HOOK3: variants seen among roughly 807,000 people sequenced by gnomAD.
The protein encoded by HOOK3 is protein Hook homolog 3.
In HOOK3, 24 loss-of-function variants were observed where a neutral mutation model predicts 116.3. The observed-to-expected ratio is 0.21, with a 90% confidence interval of 0.15 to 0.29. The LOEUF (loss-of-function observed/expected upper bound fraction) is 0.29. Ranked by LOEUF, HOOK3 falls within the 10% of genes least tolerant of loss-of-function variation. HOOK3 has a pLI of 1.00. For missense variants in HOOK3, 632 were observed against 830.2 expected, an observed-to-expected ratio of 0.76 and a Z score of 2.93; for synonymous variants, 275 against 283.0, an observed-to-expected ratio of 0.97 and a Z score of 0.28.
At chr8:42,922,786 G>A (rs528593918) in intron 2 of HOOK3, among the ~76,000 whole-genome samples, 1 of 151,326 alleles carries the variant, frequency 6.6e-6, no homozygotes, top group South Asian at 2.1e-4. Context: ...TGTAAGCCCA[G>A]CTACTTGGGA....
chr8:42,906,147 C>A, intron 1 of HOOK3, 26 bp from the exon 2 acceptor site: 2 of 901,950 alleles, frequency 2.2e-6, no homozygotes, highest in South Asian at 1.3e-5. Context: ...AGAATCTCTC[C>A]CCCCCCCCTC....
At chr8:42,989,661 A>G (rs1586624125) in intron 15 of HOOK3, among the ~76,000 whole-genome samples, 2 of 152,148 alleles carry the variant, frequency 1.3e-5, no homozygotes, top group South Asian at 2.1e-4. Context: ...ATTTTTTACT[A>G]TAGTCACTTT....
chr8:42,926,849 A>C (rs1215662853), intron 3 of HOOK3, among the ~76,000 whole-genome samples: 2 of 152,236 alleles, frequency 1.3e-5, no homozygotes, highest in Admixed American at 1.3e-4. Flanking sequence ...TGAAAGACCC[A>C]GAACTATTCC....
At chr8:42,950,936 T>C (rs111761182) in intron 6 of HOOK3, among the ~76,000 whole-genome samples, 2 of 152,188 alleles carry the variant, frequency 1.3e-5, no homozygotes, top group Admixed American at 6.5e-5. Context: ...CTGCCCGCCT[T>C]GGCCTCCCAA....
intron 2 of HOOK3, among the ~76,000 whole-genome samples, chr8:42,915,427 GTTA>G (rs535927325): frequency 6.6e-5 from 10 of 151,908 alleles, no homozygotes; most frequent in South Asian, 2.1e-4. Flanking sequence ...GATATTGCCT[GTTA>G]TTATTATTAT....
intron 18 of HOOK3, among the ~76,000 whole-genome samples, chr8:43,009,695 G>T (rs969687151): frequency 6.6e-6 from 1 of 152,128 alleles, no homozygotes; most frequent in Non-Finnish European, 1.5e-5. Context: ...CCCATTTTAA[G>T]CCATTTTTAG....
chr8:42,916,349 C>T (rs566652044), intron 2 of HOOK3, among the ~76,000 whole-genome samples: 4 of 152,222 alleles, frequency 2.6e-5, no homozygotes, highest in South Asian at 4.1e-4. Context: ...TGTTGTTTTC[C>T]GTCAACATTT....
chr8:42,944,877 G>A (rs1371752815), intron 5 of HOOK3, among the ~76,000 whole-genome samples: 4 of 151,968 alleles, frequency 2.6e-5, no homozygotes, highest in South Asian at 4.2e-4. Context: ...AAAATTTCTC[G>A]CTAAGCATGT....
chr8:42,939,626 C>A (rs1264189692), intron 4 of HOOK3, among the ~76,000 whole-genome samples: 1 of 150,476 alleles, frequency 6.6e-6, no homozygotes, highest in Non-Finnish European at 1.5e-5. Flanking sequence ...GGGGGCTGAC[C>A]CCCCCACCTC....
At chr8:42,954,296 T>C (rs957819992) in intron 6 of HOOK3, among the ~76,000 whole-genome samples, 2 of 152,216 alleles carry the variant, frequency 1.3e-5, no homozygotes, top group African/African-American at 4.8e-5. Flanking sequence ...ACAGGTGGTA[T>C]ATCTATAACC....
intron 9 of HOOK3, among the ~76,000 whole-genome samples, chr8:42,965,118 G>A (rs548389073): frequency 6.6e-6 from 1 of 152,346 alleles, no homozygotes; most frequent in South Asian, 2.1e-4. Flanking sequence ...GGGCCTGAAG[G>A]CGAGTTGACA....
At chr8:42,906,383 A>T in intron 2 of HOOK3, 125 bp downstream of exon 2, 1 of 680,290 alleles carries the variant, frequency 1.5e-6, no homozygotes, top group Non-Finnish European at 2.6e-6. Flanking sequence ...CGGCAGCAGC[A>T]CTAGTTTTAA....
At chr8:42,973,985 G>A in intron 12 of HOOK3, 122 bp from the exon 13 acceptor site, 1 of 739,868 alleles carries the variant, frequency 1.4e-6, no homozygotes, top group Non-Finnish European at 2.3e-6. Context: ...CCATAGAAAA[G>A]CAAAAGGTAA....
intron 16 of HOOK3, among the ~76,000 whole-genome samples, chr8:42,999,211 G>T (rs1409209203): frequency 6.6e-6 from 1 of 152,192 alleles, no homozygotes; most frequent in Non-Finnish European, 1.5e-5. Context: ...GCTTGATTAG[G>T]TATCGCTATG....
chr8:42,907,619 C>G (rs1807335965), intron 2 of HOOK3, among the ~76,000 whole-genome samples: 1 of 152,004 alleles, frequency 6.6e-6, no homozygotes, highest in South Asian at 2.1e-4. Context: ...GTGGGCCTAG[C>G]TAAGTGAACT....
chr8:42,970,536 T>G (rs1808707202), intron 11 of HOOK3, among the ~76,000 whole-genome samples: 1 of 152,204 alleles, frequency 6.6e-6, no homozygotes, highest in Non-Finnish European at 1.5e-5. Context: ...GTTAAGTTTA[T>G]TAATGTTCTT....
chr8:42,912,681 TCCTTGCCCACCAC>T, intron 2 of HOOK3, among the ~76,000 whole-genome samples: 1 of 146,558 alleles, frequency 6.8e-6, no homozygotes, highest in African/African-American at 2.5e-5. Flanking sequence ...CACCACACAC[TCCTTGCCCACCAC>T]ACACTGCCTT....
intron 4 of HOOK3, among the ~76,000 whole-genome samples, chr8:42,941,431 T>A (rs1808121507): frequency 6.9e-6 from 1 of 144,594 alleles, no homozygotes; most frequent in South Asian, 2.2e-4. Flanking sequence ...GGCACGAGAA[T>A]GGTGTGAACC....
Position 43,024,475 on chromosome 8 carries a change from A to C in HOOK3, c.*5977A>C. On this transcript the variant is annotated 3_prime_UTR_variant, in exon 22 of 22. Transcript: ENST00000307602. ...TTCAATAAGGATAATCTCTCTTCCT[A>C]TCATTCTGTCAAAATGGCAGTTTCT... is the stretch of plus-strand genomic sequence containing the variant. 5.4e-6 allele frequency: 1 copy of C among 186,506 alleles called. No homozygotes were observed. The highest frequency in any genetic ancestry group is 1.1e-5 in the Non-Finnish European group (1 of 88,206). 11.6% of individuals were successfully genotyped at this position (186,506 alleles called of 1,614,324 possible). A position where few individuals can be genotyped will look rare whatever the true frequency, so the allele number is the denominator to read the frequency against.
Sources: allele counts gnomAD v4.1 joint callset (sites outside exome capture counted in the v4.1 genomes callset), GRCh38; gene constraint gnomAD v4.1.1; transcripts MANE v1.5; gene names NCBI Gene and HGNC (gene_info 2026-07-23, HGNC 2026-07-21).